The following KAT6B variants were observed in gnomAD, a reference collection of about 807,000 sequenced individuals.
KAT6B encodes lysine acetyltransferase 6B.
A neutral mutation model predicts 187.5 loss-of-function variants in KAT6B; 10 were observed. The ratio of observed to expected loss-of-function variants is 0.05; its 90% CI spans 0.03 to 0.09. The LOEUF (loss-of-function observed/expected upper bound fraction) is 0.09, where lower values mean the gene tolerates loss of function less well. Among genes scored for constraint, KAT6B ranks in the 10% least tolerant of loss-of-function variants. KAT6B has a pLI of 1.00. For synonymous variants in KAT6B, 861 were observed against 926.8 expected, an observed-to-expected ratio of 0.93 and a Z score of 1.29; for missense variants, 1,952 against 2,558.9, an observed-to-expected ratio of 0.76 and a Z score of 5.12.
chr10:74,891,184 C>T (rs12221332), intron 3 of KAT6B, among the ~76,000 whole-genome samples: 4,202 of 152,314 alleles, frequency 0.028, 139 homozygotes, highest in East Asian at 0.11. Context: ...TTCCTGACAG[C>T]ATTTCTTTTA....
rs140856644 is a variant in KAT6B, at chr10:74,861,846, G to T, written c.621+18368G>T. Among the ~76,000 whole-genome samples the T allele has an allele frequency of 7.9e-5, 12 of 152,226 alleles. No homozygotes were observed. The East Asian group carries it at 2.3e-3, about 29-fold the overall frequency. On this transcript the variant is annotated intron_variant, in intron 3 of 17. Transcript: ENST00000287239. ...TCCCAAATGATGTTCTGAGGAAGAA[G>T]GAAGTACTCTACAAGAAATTAATGA...
chr10:74,954,632 T>C (rs561346348), intron 3 of KAT6B, among the ~76,000 whole-genome samples: 2 of 152,340 alleles, frequency 1.3e-5, no homozygotes, highest in South Asian at 4.1e-4. Context: ...CACCCCAGTC[T>C]TTTAAAGCTA....
At chr10:74,959,888 A>G (rs1429583575) in intron 3 of KAT6B, 82 bp from the exon 4 acceptor site, 1 of 963,474 alleles carries the variant, frequency 1.0e-6, no homozygotes, top group African/African-American at 1.6e-5. Flanking sequence ...TTTAAGTGAA[A>G]AATGTAAAAA....
chr10:74,968,490 T>G (rs1354633672), intron 4 of KAT6B, among the ~76,000 whole-genome samples: 1 of 152,186 alleles, frequency 6.6e-6, no homozygotes, highest in African/African-American at 2.4e-5. Context: ...GGTGGAATTT[T>G]ATGAAGCACC....
intron 13 of KAT6B, among the ~76,000 whole-genome samples, chr10:74,996,308 G>A (rs944040174): frequency 6.6e-6 from 1 of 152,172 alleles, no homozygotes; most frequent in African/African-American, 2.4e-5. Flanking sequence ...AGTATGCCTT[G>A]AGAGCTCATA....
intron 3 of KAT6B, among the ~76,000 whole-genome samples, chr10:74,872,241 A>G (rs1844047547): frequency 6.6e-6 from 1 of 152,192 alleles, no homozygotes; most frequent in Non-Finnish European, 1.5e-5. Flanking sequence ...AGACAAGAGA[A>G]GCGGCTTCTA....
chr10:74,914,511 G>T (rs986389948), intron 3 of KAT6B, among the ~76,000 whole-genome samples: 2 of 152,122 alleles, frequency 1.3e-5, no homozygotes, highest in Non-Finnish European at 2.9e-5. Context: ...TACTACAAAG[G>T]TTAAAGCAAT....
At chr10:74,883,522 T>C (rs535462095) in intron 3 of KAT6B, among the ~76,000 whole-genome samples, 3 of 152,248 alleles carry the variant, frequency 2.0e-5, no homozygotes, top group African/African-American at 7.2e-5. Context: ...CTTTGACCTT[T>C]CCTTTAGTAG....
chr10:74,981,343 C>CT lies in KAT6B; in HGVS notation c.2232-442dup, dbSNP rs370866084. 8.0e-3 allele frequency among the ~76,000 whole-genome samples: 1,135 copies of CT among 141,348 alleles called. 6 individuals are homozygous for CT. Among genetic ancestry groups the CT allele is most frequent in the Middle Eastern group, 0.018 (5 of 284 alleles). The allele number at this position is 141,348 out of a possible 152,430, so 92.7% of individuals were successfully genotyped here. On this transcript the variant is annotated intron_variant, in intron 10 of 17. Coordinates refer to ENST00000287239, the MANE Select transcript of KAT6B (RefSeq NM_012330.4). ...CCTTCCTTCCTTCCTTCCTTCCTTTCTTCCTTTCTTTCCTTTCTTTCCTTT... is the reference window on the plus strand; with the variant it reads ...CCTTCCTTCCTTCCTTCCTTCCTTTCTTTCCTTTCTTTCCTTTCTTTCCTTT...
intron 4 of KAT6B, among the ~76,000 whole-genome samples, chr10:74,965,733 T>G (rs541335591): frequency 1.3e-5 from 2 of 151,890 alleles, no homozygotes; most frequent in South Asian, 4.2e-4. Flanking sequence ...CATGTTCTTT[T>G]TTTTTTTTTT....
chr10:74,910,509 C>A (rs906238159), intron 3 of KAT6B, among the ~76,000 whole-genome samples: 1 of 152,182 alleles, frequency 6.6e-6, no homozygotes, highest in Non-Finnish European at 1.5e-5. Flanking sequence ...TCACTGTGGG[C>A]ACCCACAAAT....
intron 3 of KAT6B, among the ~76,000 whole-genome samples, chr10:74,867,782 TG>T (rs1843659296): frequency 1.3e-5 from 2 of 152,216 alleles, no homozygotes; most frequent in African/African-American, 4.8e-5. Context: ...CTGCTCCATG[TG>T]GCTTGGTTTG....
At chr10:74,993,484 C>T (rs1415372912) in intron 13 of KAT6B, among the ~76,000 whole-genome samples, 1 of 152,064 alleles carries the variant, frequency 6.6e-6, no homozygotes, top group Admixed American at 6.6e-5. Flanking sequence ...CTAAATATTG[C>T]AGTTTTTCTA....
intron 3 of KAT6B, among the ~76,000 whole-genome samples, chr10:74,874,824 G>A (rs1288117775): frequency 1.3e-5 from 2 of 151,950 alleles, no homozygotes; most frequent in Non-Finnish European, 2.9e-5. Context: ...GGGTGTGTGT[G>A]TGTGTGTATG....
intron 3 of KAT6B, among the ~76,000 whole-genome samples, chr10:74,851,490 G>C (rs560008575): frequency 6.6e-6 from 1 of 151,948 alleles, no homozygotes; most frequent in African/African-American, 2.4e-5. Flanking sequence ...GCACCACCAC[G>C]CCCAGCTAAT....
intron 8 of KAT6B, chr10:74,976,726 G>C: frequency 3.2e-6 from 1 of 315,332 alleles, no homozygotes; most frequent in Non-Finnish European, 6.0e-6. Flanking sequence ...TCCAACAGGG[G>C]GTGTTTCAGC....
At chr10:74,892,590 T>C (rs1378855321) in intron 3 of KAT6B, among the ~76,000 whole-genome samples, 1 of 152,084 alleles carries the variant, frequency 6.6e-6, no homozygotes, top group Non-Finnish European at 1.5e-5. Context: ...TATAAGTCAG[T>C]TGCTTGCAAG....
At chr10:75,017,335 C>T (rs1405858177) in intron 13 of KAT6B, among the ~76,000 whole-genome samples, 1 of 151,902 alleles carries the variant, frequency 6.6e-6, no homozygotes, top group Non-Finnish European at 1.5e-5. Flanking sequence ...TTGTGAAGAG[C>T]CTAGAAAAAA....
intron 3 of KAT6B, among the ~76,000 whole-genome samples, chr10:74,867,222 A>G (rs184076086): frequency 8.1e-4 from 123 of 152,324 alleles, no homozygotes; most frequent in African/African-American, 2.9e-3. Context: ...CTCTCGAAGC[A>G]TAATAAAGCC....
Sources: allele counts gnomAD v4.1 joint callset (sites outside exome capture counted in the v4.1 genomes callset), GRCh38; gene constraint gnomAD v4.1.1; transcripts MANE v1.5; gene names NCBI Gene and HGNC (gene_info 2026-07-23, HGNC 2026-07-21).